Variants in DCTN1 observed in about 807,000 individuals in gnomAD.
The protein encoded by DCTN1 is dynactin subunit 1, also known as 150 kDa dynein-associated polypeptide.
In DCTN1, 61 loss-of-function variants were observed where a neutral mutation model predicts 161.2. That is an observed-to-expected ratio of 0.38 (90% CI 0.31 to 0.47). DCTN1 has a LOEUF of 0.47. DCTN1 is among the 20% of genes least tolerant of loss of function. The probability of loss-of-function intolerance (pLI) is 0.99; values close to 1 mark genes in which losing one functional copy is unlikely to be tolerated. For missense variants in DCTN1, 1,404 were observed against 1,623.7 expected, an observed-to-expected ratio of 0.86 and a Z score of 2.33; for synonymous variants, 653 against 632.4, an observed-to-expected ratio of 1.03 and a Z score of -0.49.
Position 74,361,292 on chromosome 2 carries a change from A to G in DCTN1, c.*207T>C. 1.3e-6 allele frequency: 1 copy of G among 765,440 alleles called. No homozygotes were observed. The highest frequency in any genetic ancestry group is 2.7e-5 in the East Asian group (1 of 36,440). The allele number at this position is 765,440 out of a possible 1,614,324, so 47.4% of individuals were successfully genotyped here. On this transcript the variant is annotated 3_prime_UTR_variant, in exon 32 of 32. Transcript: ENST00000628224. The stretch of plus-strand genomic sequence containing the variant: ...AGGAAGGAGGGAGCAGTTGAACAAC[A>G]AATTATGGCAGAGGCCAGGGAATGG...
chr2:74,384,546 A>G (rs952402980), upstream of DCTN1, among the ~76,000 whole-genome samples: 1 of 152,236 alleles, frequency 6.6e-6, no homozygotes, highest in Admixed American at 6.5e-5. Context: ...TGTCTGATAA[A>G]TAATAATCTC....
Position 74,362,991 on chromosome 2 carries a change from T to C in DCTN1, c.3529+3A>G, listed in dbSNP as rs370727908. The C allele has an allele frequency of 1.7e-5, 27 of 1,612,140 alleles. No homozygotes were observed. In the African/African-American group the frequency reaches 2.1e-4, roughly 13 times the overall value. On this transcript the variant is annotated splice_donor_region_variant and intron_variant, in intron 29 of 31. Coordinates refer to ENST00000628224, the MANE Select transcript of DCTN1 (RefSeq NM_004082.5). ...TTCATCTTGGGGGTTGGCAGGTACA[T>C]ACCAGGGCTGGTGCGAGTGATGTCT...
intron 6 of DCTN1, 39 bp from the exon 7 acceptor site, chr2:74,372,987 A>G: frequency 6.2e-7 from 1 of 1,607,356 alleles, no homozygotes; most frequent in Non-Finnish European, 8.5e-7. Flanking sequence ...AGTAGTCAGG[A>G]AAGAAAGGAC....
intron 1 of DCTN1, among the ~76,000 whole-genome samples, chr2:74,379,253 A>G (rs1365925517): frequency 6.6e-6 from 1 of 152,178 alleles, no homozygotes. Context: ...GGGGCCTTGC[A>G]GCAAACAGAT....
chr2:74,369,228 C>T lies in DCTN1; in HGVS notation c.1585-14G>A, dbSNP rs912937423. On this transcript the variant is annotated splice_polypyrimidine_tract_variant and intron_variant, in intron 14 of 31. Coordinates refer to ENST00000628224, the MANE Select transcript of DCTN1 (RefSeq NM_004082.5). This position sits in a 1 kb window ranked among gnomAD's most constrained non-coding sequence, Gnocchi z 4.9. ...CCGATTCACATCCTAGGAGGAGAGA[C>T]AGTGAAGCACAGCTGGGTCATAAGG... The T allele has an allele frequency of 6.2e-7, 1 of 1,614,062 alleles. No individual in the cohort carries two copies. Among genetic ancestry groups the T allele is most frequent in the Non-Finnish European group, 8.5e-7 (1 of 1,180,036 alleles).
chr2:74,379,879 AAC>A (rs1675431482), intron 1 of DCTN1, 124 bp downstream of exon 1: 3 of 994,984 alleles, frequency 3.0e-6, no homozygotes, highest in Admixed American at 1.9e-5. Context: ...CTCCTTAGAA[AAC>A]ACAGTCTGAG....
In DCTN1 at chr2:74,365,584, G is replaced by A. The variant is rs761183289; in HGVS notation, c.2960C>T (p.Ala987Val). Residue 987 changes from alanine (A) to valine (V), a missense_variant, in exon 25 of 32, where the codon GCA becomes GTA. Physicochemically the swap from Ala to Val is moderately conservative, Grantham distance 64 (BLOSUM62 0). Around this residue, in one of 9 missense-constraint regions of DCTN1, gnomAD observed 475 missense variants for 489.8 expected, o/e 0.97. Transcript: ENST00000628224. ...EKKLDSAAKD[A>V]DERIEKVQTR... is the part of the protein sequence containing the mutation. ...CTGGACTTTCTCGATGCGCTCATCTGCATCCTTGGCAGCACTGTCCAACTT... is the reference window on the plus strand; with the variant it reads ...CTGGACTTTCTCGATGCGCTCATCTACATCCTTGGCAGCACTGTCCAACTT... The A allele has an allele frequency of 5.0e-6, 8 of 1,614,162 alleles. No homozygotes were observed. Among genetic ancestry groups the A allele is most frequent in the Non-Finnish European group, 5.9e-6 (7 of 1,180,034 alleles).
chr2:74,364,924 G>T, intron 26 of DCTN1, 151 bp downstream of exon 26: 2 of 962,392 alleles, frequency 2.1e-6, no homozygotes, highest in Non-Finnish European at 1.6e-6. Context: ...GGGAAAACTT[G>T]GTGAAAACTG....
rs771475443 is a variant in DCTN1 at position 74,367,423 on chromosome 2, G to A, written c.2185-3C>T. On this transcript the variant is annotated splice_polypyrimidine_tract_variant and splice_region_variant and intron_variant, in intron 18 of 31. Coordinates refer to ENST00000628224, the MANE Select transcript of DCTN1 (RefSeq NM_004082.5). The stretch of plus-strand genomic sequence containing the variant: ...GCAAGGTGGATGCTGTACAGATGCT[G>A]AGGAGAGATAACAGACAGACAACTT... 3 of 1,614,138 alleles carry A rather than the reference G, an allele frequency of 1.9e-6. No homozygotes were observed. The highest frequency in any genetic ancestry group is 2.7e-5 in the African/African-American group (2 of 75,040).
Position 74,366,893 on chromosome 2 carries a change from C to A in DCTN1, c.2356G>T (p.Asp786Tyr), listed in dbSNP as rs1274797031. 1.9e-6 allele frequency: 3 copies of A among 1,614,210 alleles called. No homozygotes were observed. The highest frequency in any genetic ancestry group is 1.7e-6 in the Non-Finnish European group (2 of 1,180,042). The stretch of plus-strand genomic sequence containing the variant: ...ATGTCACTGCATGAAGTTTCCAGAT[C>A]CCGGAGCAGGAGGGCAATATCTGTA... ...EATDIALLLR[D>Y]LETSCSDIRQ... The change falls in exon 21 of 32, where the codon GAT becomes TAT. Residue 786 changes from aspartate (D) to tyrosine (Y), a missense_variant. Around this residue, in one of 9 missense-constraint regions of DCTN1, gnomAD observed 475 missense variants for 489.8 expected, o/e 0.97. Coordinates refer to ENST00000628224, the MANE Select transcript of DCTN1 (RefSeq NM_004082.5).
chr2:74,388,078 C>G (rs1416805142), intron 1 of DCTN1, among the ~76,000 whole-genome samples: 1 of 152,100 alleles, frequency 6.6e-6, no homozygotes, highest in Non-Finnish European at 1.5e-5. Context: ...GTACCAGTTA[C>G]TCAGGAGGCT....
chr2:74,371,235 G>A, intron 8 of DCTN1, 59 bp from the exon 9 acceptor site: 2 of 1,608,138 alleles, frequency 1.2e-6, no homozygotes, highest in Non-Finnish European at 1.7e-6. Flanking sequence ...CACCAACACT[G>A]AGCTGGCGCA....
At position 74,370,078 on chromosome 2, in the gene DCTN1, C is replaced by T. The variant is rs201425449; in HGVS notation, c.1288-9G>A. 8.1e-6 allele frequency: 13 copies of T among 1,614,080 alleles called. No individual in the cohort carries two copies. The East Asian group carries it at 8.9e-5, about 11-fold the overall frequency. ...CCCAGAGCAGCATCCACCTGTGTTA[C>T]GGGGAGGATAGGGAGAAGGGCTGCT... On this transcript the variant is annotated splice_polypyrimidine_tract_variant and intron_variant, in intron 12 of 31. Transcript: ENST00000628224. This position sits in a 1 kb window ranked among gnomAD's most constrained non-coding sequence, Gnocchi z 4.4.
In DCTN1 at chr2:74,380,023, C is replaced by T; in HGVS notation, c.15G>A (p.Lys5=). Reference sequence around the variant, plus strand: ...CACTTACCCGGCTGTACACGTGCCTCTTGCTCTGTGCCATGTTGCTCACCC... The same window carrying T: ...CACTTACCCGGCTGTACACGTGCCTTTTGCTCTGTGCCATGTTGCTCACCC... MAQS[K]RHVYSRTPSG... The change falls in exon 1 of 32, where the codon AAG becomes AAA. Residue 5 remains lysine, a synonymous_variant. Coordinates refer to ENST00000628224, the MANE Select transcript of DCTN1 (RefSeq NM_004082.5). The T allele has an allele frequency of 1.2e-6, 2 of 1,614,194 alleles. No homozygotes were observed. Among genetic ancestry groups the T allele is most frequent in the South Asian group, 2.2e-5 (2 of 91,084 alleles).
chr2:74,390,635 G>C (rs753210625), intron 1 of DCTN1: 7 of 468,324 alleles, frequency 1.5e-5, no homozygotes, highest in South Asian at 1.1e-4. Context: ...CATCTGTTCT[G>C]GAAAACATGG....
At chr2:74,378,759 A>G (rs1013350053) in intron 1 of DCTN1, 1 of 185,554 alleles carries the variant, frequency 5.4e-6, no homozygotes, top group Middle Eastern at 2.6e-3. Flanking sequence ...TCACCCTTTC[A>G]GAGGCACACA....
In DCTN1 at chr2:74,361,217, C is replaced by G. The variant is rs529485093; in HGVS notation, c.*282G>C. The G allele has an allele frequency of 1.7e-6, 1 of 584,408 alleles. No individual in the cohort carries two copies. The highest frequency in any genetic ancestry group is 1.5e-5 in the South Asian group (1 of 64,838). 36.2% of individuals were successfully genotyped at this position (584,408 alleles called of 1,614,324 possible). On this transcript the variant is annotated 3_prime_UTR_variant, in exon 32 of 32. Transcript: ENST00000628224. ...CCTCAATCAAGGGGACCTCACTTAA[C>G]CTTTGGTGGTGGGGTCTCAGCCTAC...
Position 74,378,148 on chromosome 2 carries a change from A to G in DCTN1, c.131T>C (p.Val44Ala), listed in dbSNP as rs1359911234. The stretch of plus-strand genomic sequence containing the variant: ...AAACAGTGTGGCTCCAACATAGGCC[A>G]CAGTGCCTCGGTGGCCTTTTCCAAT... The part of the protein sequence containing the change: ...EVIGKGHRGT[V>A]AYVGATLFAT... The change falls in exon 2 of 32, where the codon GTG becomes GCG. Residue 44 changes from valine to alanine, a missense_variant. Physicochemically the swap from Val to Ala is moderately conservative, Grantham distance 64. Coordinates refer to ENST00000628224, the MANE Select transcript of DCTN1 (RefSeq NM_004082.5). 2 of 1,614,242 alleles carry G rather than the reference A, an allele frequency of 1.2e-6. No homozygotes were observed. The highest frequency in any genetic ancestry group is 2.7e-5 in the African/African-American group (2 of 75,062).
chr2:74,369,544 C>T lies in DCTN1; in HGVS notation c.1393-53G>A, dbSNP rs1479277352. 13 of 1,577,060 alleles carry T rather than the reference C, an allele frequency of 8.2e-6. No individual in the cohort carries two copies. The highest frequency in any genetic ancestry group is 1.1e-5 in the Non-Finnish European group (13 of 1,157,326). ...AAAGAAAGGCAGGGTCGGCCAGCGG[C>T]GGTGGTTCACACCTGTAATCCCAGC... is the stretch of plus-strand genomic sequence containing the variant. On this transcript the variant is annotated intron_variant, in intron 13 of 31. Transcript: ENST00000628224. The surrounding 1 kb of genome is among the most constrained non-coding windows in gnomAD (Gnocchi z 4.9).
Sources: allele counts gnomAD v4.1 joint callset (sites outside exome capture counted in the v4.1 genomes callset), GRCh38; gene constraint gnomAD v4.1.1; regional missense constraint gnomAD v4.1.1; non-coding constraint Gnocchi (gnomAD v3.1); transcripts MANE v1.5; gene names NCBI Gene and HGNC (gene_info 2026-07-23, HGNC 2026-07-21).